The following STPG2 variants were observed in gnomAD, a reference collection of about 807,000 sequenced individuals.
The protein encoded by STPG2 is sperm tail PG-rich repeat containing 2.
STPG2 carries 56 observed loss-of-function variants against 54.2 expected under a neutral mutation model. That is an observed-to-expected ratio of 1.03 (90% CI 0.83 to 1.29). The LOEUF is 1.29. Ranked by LOEUF, STPG2 falls within the 50% of genes most tolerant of loss-of-function variation. The probability of loss-of-function intolerance (pLI) is 0.00; values close to 1 mark genes in which losing one functional copy is unlikely to be tolerated. For missense variants in STPG2, 596 were observed against 544.9 expected (o/e 1.09, Z -0.93); for synonymous variants, 200 against 181.8 (o/e 1.10, Z -0.81).
intron 8 of STPG2, among the ~76,000 whole-genome samples, chr4:97,849,061 A>G (rs1456544290): frequency 6.6e-6 from 1 of 151,084 alleles, no homozygotes; most frequent in East Asian, 1.9e-4. Context: ...CTTGATGGGG[A>G]TGGCATTGAA....
At chr4:97,674,167 T>A (rs1722774921) in intron 10 of STPG2, among the ~76,000 whole-genome samples, 2 of 152,160 alleles carry the variant, frequency 1.3e-5, no homozygotes, top group Admixed American at 1.3e-4. Context: ...TGTGCAAGTG[T>A]ATGTGTGGTC....
chr4:98,039,467 G>T, intron 5 of STPG2, among the ~76,000 whole-genome samples: 2 of 71,242 alleles, frequency 2.8e-5, no homozygotes, highest in African/African-American at 6.0e-5. Context: ...TATTTCTTTT[G>T]TGTATATATA....
chr4:98,096,173 T>C lies in STPG2; in HGVS notation c.612+9780A>G, dbSNP rs569522879. Among the ~76,000 whole-genome samples, 28 of 152,246 alleles carry C rather than the reference T, an allele frequency of 1.8e-4. 1 individual carries two copies. The highest frequency in any genetic ancestry group is 2.8e-4 in the Non-Finnish European group (19 of 68,010). ...ACTTTGGGAGGCCAAGGCAGGAGGATTGCTTGAACCCAGAAGTTTAAGACC... is the reference window on the plus strand; with the variant it reads ...ACTTTGGGAGGCCAAGGCAGGAGGACTGCTTGAACCCAGAAGTTTAAGACC... On this transcript the variant is annotated intron_variant, in intron 5 of 10. Coordinates refer to ENST00000295268, the MANE Select transcript of STPG2 (RefSeq NM_174952.3).
intron 10 of STPG2, among the ~76,000 whole-genome samples, chr4:97,628,567 C>G (rs1274489265): frequency 6.6e-6 from 1 of 152,022 alleles, no homozygotes; most frequent in Non-Finnish European, 1.5e-5. Context: ...TATCACTGTG[C>G]TTAGCAATTA....
intron 4 of STPG2, among the ~76,000 whole-genome samples, chr4:98,107,440 T>C (rs963997037): frequency 2.0e-5 from 3 of 150,874 alleles, no homozygotes; most frequent in Non-Finnish European, 3.0e-5. Context: ...CAGTCAGGAA[T>C]GAAATCCATA....
chr4:98,013,543 C>G (rs972549573), intron 5 of STPG2, among the ~76,000 whole-genome samples: 1 of 134,208 alleles, frequency 7.5e-6, no homozygotes, highest in Admixed American at 8.0e-5. Flanking sequence ...CTTTGTACCT[C>G]TGGTAGAATT....
chr4:97,943,607 G>A (rs1733077253), intron 8 of STPG2, among the ~76,000 whole-genome samples: 2 of 152,018 alleles, frequency 1.3e-5, no homozygotes, highest in Non-Finnish European at 2.9e-5. Flanking sequence ...TAAATCTTTT[G>A]CTCCATATAC....
intron 9 of STPG2, among the ~76,000 whole-genome samples, chr4:97,819,866 CT>C (rs1728027871): frequency 6.6e-6 from 1 of 152,040 alleles, no homozygotes; most frequent in African/African-American, 2.4e-5. Flanking sequence ...CAAAACATAA[CT>C]TTTTAGTAAG....
chr4:97,487,396 C>T (rs1431304515), intron 4 of STPG2, among the ~76,000 whole-genome samples: 2 of 151,336 alleles, frequency 1.3e-5, no homozygotes, highest in African/African-American at 4.8e-5. Flanking sequence ...TCAAATTGAA[C>T]CTTTAAATTT....
Position 97,950,943 on chromosome 4 carries a change from C to A in STPG2, c.934-6936G>T, listed in dbSNP as rs1733441492. Among the ~76,000 whole-genome samples the A allele has an allele frequency of 6.6e-5, 10 of 152,144 alleles. 1 individual carries two copies. The highest frequency in any genetic ancestry group is 6.6e-4 in the Admixed American group (10 of 15,262). ...ACCTCTACACAATTCTGACCCTCCC[C>A]AAATTGCTCCTGGGGACAATATCAC... On this transcript the variant is annotated intron_variant, in intron 7 of 10. Coordinates refer to ENST00000295268, the MANE Select transcript of STPG2 (RefSeq NM_174952.3).
intron 4 of STPG2, among the ~76,000 whole-genome samples, chr4:97,492,544 G>A (rs991097781): frequency 3.4e-4 from 51 of 151,430 alleles, no homozygotes; most frequent in African/African-American, 1.0e-3. Flanking sequence ...GCATCAGCTT[G>A]GCTATAGAAA....
At position 97,597,834 on chromosome 4, in the gene STPG2, T is replaced by C. The variant is rs558718428; in HGVS notation, c.1321-38717A>G. The stretch of plus-strand genomic sequence containing the variant: ...CTTGAGAATCAGAAGAAGACAATGA[T>C]GCCCACTCTCACCACTCCTGTCCAA... On this transcript the variant is annotated intron_variant, in intron 10 of 10. Transcript: ENST00000295268. 2.0e-4 allele frequency among the ~76,000 whole-genome samples: 31 copies of C among 152,194 alleles called. No individual in the cohort carries two copies. The East Asian group carries it at 2.3e-3, about 11-fold the overall frequency.
intron 4 of STPG2, among the ~76,000 whole-genome samples, chr4:97,448,135 T>A (rs913092649): frequency 2.2e-4 from 34 of 152,292 alleles, no homozygotes; most frequent in African/African-American, 8.2e-4. Context: ...TTTCTCCCAT[T>A]TGAAATGGGA....
intron 5 of STPG2, among the ~76,000 whole-genome samples, chr4:98,097,737 C>A (rs1324557384): frequency 1.3e-5 from 2 of 151,764 alleles, no homozygotes; most frequent in African/African-American, 4.8e-5. Flanking sequence ...AAAGACTCCA[C>A]AAAAAAAATT....
In STPG2 at chr4:98,041,859, G is replaced by C. The variant is rs148329421; in HGVS notation, c.613-60541C>G. 4.2e-3 allele frequency among the ~76,000 whole-genome samples: 643 copies of C among 152,008 alleles called. 3 individuals are homozygous for C. The highest frequency in any genetic ancestry group is 0.024 in the South Asian group (117 of 4,822). ...GACATTGACTTTGTAAAATGAGTTA[G>C]GGAGGATTTCCTCCTCTTCAACACA... On this transcript the variant is annotated intron_variant, in intron 5 of 10. Transcript: ENST00000295268.
chr4:97,745,992 T>A (rs1725410546), intron 9 of STPG2, among the ~76,000 whole-genome samples: 1 of 151,278 alleles, frequency 6.6e-6, no homozygotes. Flanking sequence ...GGCTTAAGTA[T>A]CTCATCTTTT....
At chr4:97,797,169 T>A (rs990915574) in intron 9 of STPG2, among the ~76,000 whole-genome samples, 4 of 152,210 alleles carry the variant, frequency 2.6e-5, no homozygotes, top group African/African-American at 9.6e-5. Flanking sequence ...CCTAATTGAA[T>A]ACCCTTTATT....
rs765621801 is a variant in STPG2, at chr4:97,902,559, AATC to A, written c.1044+41335_1044+41337del. ...ATATGAACTAATGCTCAACATCACT[AATC>A]ATCAGGGAAATGAAAATCAAAACCA... On this transcript the variant is annotated intron_variant, in intron 8 of 10. Coordinates refer to ENST00000295268, the MANE Select transcript of STPG2 (RefSeq NM_174952.3). 2.2e-4 allele frequency among the ~76,000 whole-genome samples: 33 copies of A among 152,234 alleles called. No homozygotes were observed. The Middle Eastern group carries it at 0.017, about 78-fold the overall frequency.
intron 4 of STPG2, 114 bp downstream of exon 4, chr4:98,109,079 T>C: frequency 1.8e-6 from 1 of 549,540 alleles, no homozygotes. Context: ...GTAATACTTC[T>C]TGGAGTTTTT....
Sources: gnomAD v4.1 joint callset for allele counts (sites outside exome capture counted in the v4.1 genomes callset) on GRCh38, gnomAD v4.1.1 for gene constraint, MANE v1.5 for transcripts, NCBI Gene and HGNC (gene_info 2026-07-23, HGNC 2026-07-21) for gene names.